Variants in SNAP25 observed in about 807,000 individuals in gnomAD.
SNAP25 encodes synaptosomal-associated protein 25.
A neutral mutation model predicts 28.7 loss-of-function variants in SNAP25; 3 were observed. That is an observed-to-expected ratio of 0.10 (90% CI 0.05 to 0.27). The LOEUF is 0.27. Among genes scored for constraint, SNAP25 ranks in the 10% least tolerant of loss-of-function variants. The pLI is 1.00. For synonymous variants in SNAP25, 61 were observed against 88.1 expected (o/e 0.69, Z 1.72); for missense variants, 117 against 278.7 (o/e 0.42, Z 4.13).
chr20:10,240,295 CCTT>C (rs2063002795), intron 1 of SNAP25, among the ~76,000 whole-genome samples: 2 of 152,146 alleles, frequency 1.3e-5, no homozygotes, highest in African/African-American at 2.4e-5. Flanking sequence ...AAGGGCCGGT[CCTT>C]CTTTTAAGGG....
chr20:10,269,083 A>G (rs780759666), intron 1 of SNAP25, among the ~76,000 whole-genome samples: 4 of 152,240 alleles, frequency 2.6e-5, no homozygotes, highest in Non-Finnish European at 5.9e-5. Flanking sequence ...ATTTGTTTTT[A>G]CATCTTGTAT....
intron 7 of SNAP25, among the ~76,000 whole-genome samples, chr20:10,303,491 T>A (rs2064288271): frequency 6.6e-6 from 1 of 152,166 alleles, no homozygotes; most frequent in African/African-American, 2.4e-5. Context: ...GTCCTGAGAA[T>A]TCACGATATG....
rs550224462 is a variant in SNAP25, at chr20:10,254,980, A to G, written c.-63-20449A>G. On this transcript the variant is annotated intron_variant, in intron 1 of 7. Coordinates refer to ENST00000254976, the MANE Select transcript of SNAP25 (RefSeq NM_130811.4). Reference sequence around the variant, plus strand: ...TTCCGACTGTTTCTTCATCTGAAGTAAAAAGATTGATGGGACACAATGGGA... The same window carrying G: ...TTCCGACTGTTTCTTCATCTGAAGTGAAAAGATTGATGGGACACAATGGGA... Among the ~76,000 whole-genome samples, 31 of 152,296 alleles carry G rather than the reference A, an allele frequency of 2.0e-4. No homozygotes were observed. In the South Asian group the frequency reaches 6.0e-3, roughly 30 times the overall value.
At chr20:10,258,606 C>A (rs1026017576) in intron 1 of SNAP25, among the ~76,000 whole-genome samples, 7 of 152,256 alleles carry the variant, frequency 4.6e-5, no homozygotes, top group Admixed American at 2.6e-4. Context: ...CTAATGCAAG[C>A]GCCTTTTAAA....
intron 1 of SNAP25, among the ~76,000 whole-genome samples, chr20:10,227,596 A>C (rs1281087413): frequency 3.3e-5 from 5 of 152,120 alleles, no homozygotes; most frequent in Non-Finnish European, 7.4e-5. Context: ...ACTATGGCAA[A>C]TGGTATAATA....
At position 10,275,523 on chromosome 20, in the gene SNAP25, TGGA is replaced by T; in HGVS notation, c.37_39del (p.Glu13del). ...GAAGACGCAGACATGCGCAATGAGCTGGAGGAGATGCAGCGAAGGGCTGACCAG... is the reference window on the plus strand; with the variant it reads ...GAAGACGCAGACATGCGCAATGAGCTGGAGATGCAGCGAAGGGCTGACCAG... On this transcript the variant is annotated inframe_deletion, in exon 2 of 8. Transcript: ENST00000254976. The T allele has an allele frequency of 6.2e-7, 1 of 1,606,174 alleles. No homozygotes were observed. Among genetic ancestry groups the T allele is most frequent in the South Asian group, 1.1e-5 (1 of 89,124 alleles).
At chr20:10,234,244 C>A (rs2062878043) in intron 1 of SNAP25, among the ~76,000 whole-genome samples, 1 of 152,024 alleles carries the variant, frequency 6.6e-6, no homozygotes, top group Admixed American at 6.6e-5. Context: ...AAACCACAGC[C>A]ATTTTGCAGA....
intron 3 of SNAP25, among the ~76,000 whole-genome samples, chr20:10,280,647 G>A (rs2063763791): frequency 6.6e-6 from 1 of 152,182 alleles, no homozygotes; most frequent in African/African-American, 2.4e-5. Flanking sequence ...CTAAATTCAG[G>A]AAATGGAGTC....
At chr20:10,241,830 G>A (rs1280865687) in intron 1 of SNAP25, among the ~76,000 whole-genome samples, 4 of 152,184 alleles carry the variant, frequency 2.6e-5, no homozygotes, top group African/African-American at 7.2e-5. Flanking sequence ...CTGCCAGCCT[G>A]CAGAGGAGAC....
intron 7 of SNAP25, among the ~76,000 whole-genome samples, chr20:10,304,888 CTT>C (rs1158996686): frequency 2.6e-5 from 4 of 152,136 alleles, no homozygotes; most frequent in Admixed American, 6.6e-5. Flanking sequence ...GCTCACAACA[CTT>C]GAGTTCACCA....
intron 1 of SNAP25, among the ~76,000 whole-genome samples, chr20:10,266,208 A>G (rs11696486): frequency 6.6e-6 from 1 of 152,098 alleles, no homozygotes; most frequent in Non-Finnish European, 1.5e-5. Flanking sequence ...CACCAGTTTC[A>G]CTCACCCTTT....
intron 1 of SNAP25, among the ~76,000 whole-genome samples, chr20:10,266,746 C>T (rs144496194): frequency 3.3e-3 from 507 of 152,176 alleles, no homozygotes; most frequent in African/African-American, 0.012. Flanking sequence ...ATAAACATGA[C>T]AACACAGCTG....
At chr20:10,298,452 C>G (rs1044407955) in intron 6 of SNAP25, among the ~76,000 whole-genome samples, 2 of 152,112 alleles carry the variant, frequency 1.3e-5, no homozygotes, top group Admixed American at 1.3e-4. Context: ...ACCATATATA[C>G]TAGGGAAATT....
chr20:10,262,438 G>A (rs2122897708), intron 1 of SNAP25, among the ~76,000 whole-genome samples: 1 of 152,290 alleles, frequency 6.6e-6, no homozygotes, highest in South Asian at 2.1e-4. Flanking sequence ...TAGCCATTCT[G>A]TGATATTCTG....
chr20:10,243,658 A>C (rs6077699), intron 1 of SNAP25, among the ~76,000 whole-genome samples: 43,983 of 152,006 alleles, frequency 0.29, 6,605 homozygotes, highest in Middle Eastern at 0.4. Flanking sequence ...GGAAAGAGTG[A>C]AGCTAAGGTA....
chr20:10,223,264 A>T (rs62185224), intron 1 of SNAP25, among the ~76,000 whole-genome samples: 423 of 152,282 alleles, frequency 2.8e-3, no homozygotes, highest in Non-Finnish European at 4.9e-3. Context: ...GATTACACCC[A>T]TTTCCTTTCT....
At chr20:10,282,075 T>C (rs534599477) in intron 3 of SNAP25, among the ~76,000 whole-genome samples, 2 of 151,784 alleles carry the variant, frequency 1.3e-5, no homozygotes, top group African/African-American at 2.4e-5. Flanking sequence ...TGAGAGGTCA[T>C]GCATTTGTCT....
At chr20:10,301,030 C>T (rs1381940345) in intron 7 of SNAP25, among the ~76,000 whole-genome samples, 1 of 152,138 alleles carries the variant, frequency 6.6e-6, no homozygotes, top group African/African-American at 2.4e-5. Flanking sequence ...ACCCACTTTA[C>T]TTGCAGATGC....
At chr20:10,285,483 A>G (rs1020868814) in intron 4 of SNAP25, among the ~76,000 whole-genome samples, 1 of 152,226 alleles carries the variant, frequency 6.6e-6, no homozygotes, top group African/African-American at 2.4e-5. Context: ...TCTAGCCACT[A>G]GTCAGTTACC....
Sources: allele counts gnomAD v4.1 joint callset (sites outside exome capture counted in the v4.1 genomes callset), GRCh38; gene constraint gnomAD v4.1.1; transcripts MANE v1.5; gene names NCBI Gene and HGNC (gene_info 2026-07-23, HGNC 2026-07-21).